Variants in FOXP1 observed in about 807,000 individuals in gnomAD.
The protein encoded by FOXP1 is forkhead box protein P1.
Under a neutral mutation model 98.2 loss-of-function variants are expected in FOXP1, and 15 were observed. That is an observed-to-expected ratio of 0.15 (90% CI 0.10 to 0.24). The LOEUF (loss-of-function observed/expected upper bound fraction) is 0.24, where lower values mean the gene tolerates loss of function less well. Ranked by LOEUF, FOXP1 falls within the 10% of genes least tolerant of loss-of-function variation. The pLI is 1.00. For missense variants in FOXP1, 633 were observed against 848.5 expected, an observed-to-expected ratio of 0.75 and a Z score of 3.15; for synonymous variants, 371 against 314.5, an observed-to-expected ratio of 1.18 and a Z score of -1.90.
intron 3 of FOXP1, among the ~76,000 whole-genome samples, chr3:71,406,126 C>T (rs1444743752): frequency 6.6e-6 from 1 of 152,072 alleles, no homozygotes; most frequent in African/African-American, 2.4e-5. Flanking sequence ...CGTGGTCCTT[C>T]CCCGATGAAT....
At chr3:71,559,029 C>T (rs975001312) in intron 2 of FOXP1, among the ~76,000 whole-genome samples, 15 of 152,286 alleles carry the variant, frequency 9.8e-5, no homozygotes, top group African/African-American at 3.6e-4. Context: ...TGGTCTCAAT[C>T]TCCTGACCTT....
intron 3 of FOXP1, among the ~76,000 whole-genome samples, chr3:71,410,687 C>A (rs576710711): frequency 6.6e-6 from 1 of 152,098 alleles, no homozygotes; most frequent in Non-Finnish European, 1.5e-5. Context: ...ACTGATTTTA[C>A]GTTTCTGATC....
At chr3:70,978,403 G>T (rs2038058747) in intron 14 of FOXP1, among the ~76,000 whole-genome samples, 1 of 152,194 alleles carries the variant, frequency 6.6e-6, no homozygotes, top group Admixed American at 6.5e-5. Context: ...GAAGTCCTTA[G>T]CAATACCAGT....
At chr3:71,502,397 G>A (rs1371859932) in intron 2 of FOXP1, among the ~76,000 whole-genome samples, 3 of 152,150 alleles carry the variant, frequency 2.0e-5, no homozygotes, top group Admixed American at 1.3e-4. Context: ...TGATTGGCTA[G>A]GCTTATCAAG....
intron 6 of FOXP1, chr3:71,197,774 C>A: frequency 9.3e-7 from 1 of 1,074,150 alleles, no homozygotes; most frequent in Non-Finnish European, 1.4e-6. Flanking sequence ...TCTCCTTACT[C>A]ATCTACTCTT....
At chr3:71,064,777 C>A in intron 7 of FOXP1, 1 of 984,682 alleles carries the variant, frequency 1.0e-6, no homozygotes, top group South Asian at 4.7e-5. Context: ...GCCGCGGAGC[C>A]GGGGGAAGGA....
At chr3:71,331,370 C>A (rs1370078309) in intron 4 of FOXP1, among the ~76,000 whole-genome samples, 3 of 152,172 alleles carry the variant, frequency 2.0e-5, no homozygotes, top group East Asian at 1.9e-4. Context: ...TGAGCCTCCC[C>A]CCTCCCCACC....
At chr3:71,109,893 G>T (rs112793069) in intron 7 of FOXP1, among the ~76,000 whole-genome samples, 7 of 151,842 alleles carry the variant, frequency 4.6e-5, no homozygotes, top group African/African-American at 1.5e-4. Flanking sequence ...TATTTCCCCC[G>T]GCCAAATCTT....
At chr3:71,225,821 T>C (rs558526724) in intron 5 of FOXP1, among the ~76,000 whole-genome samples, 22 of 152,150 alleles carry the variant, frequency 1.4e-4, no homozygotes, top group African/African-American at 4.8e-4. Flanking sequence ...ATCACATCTA[T>C]GGAAAGGAGC....
At chr3:71,470,294 G>A (rs920908476) in intron 3 of FOXP1, among the ~76,000 whole-genome samples, 1 of 152,134 alleles carries the variant, frequency 6.6e-6, no homozygotes, top group African/African-American at 2.4e-5. Flanking sequence ...ACATAGAGTT[G>A]TTATACAGAT....
intron 6 of FOXP1, among the ~76,000 whole-genome samples, chr3:71,145,262 C>T (rs773671446): frequency 6.6e-5 from 10 of 151,920 alleles, no homozygotes; most frequent in Non-Finnish European, 1.5e-4. Flanking sequence ...CCAGGCTGGG[C>T]GTGGTGGCTC....
intron 5 of FOXP1, among the ~76,000 whole-genome samples, chr3:71,255,584 A>G (rs1200186524): frequency 6.6e-6 from 1 of 152,196 alleles, no homozygotes; most frequent in Non-Finnish European, 1.5e-5. Context: ...ACACTAAATT[A>G]TTGGAATTCA....
At chr3:71,299,659 A>G (rs2073678448) in intron 5 of FOXP1, among the ~76,000 whole-genome samples, 161 bp downstream of exon 5, 1 of 152,206 alleles carries the variant, frequency 6.6e-6, no homozygotes, top group African/African-American at 2.4e-5. Context: ...AAGGGCAACC[A>G]TTTTTCTTAG....
chr3:71,348,940 C>T (rs964057325), intron 4 of FOXP1, among the ~76,000 whole-genome samples: 5 of 152,236 alleles, frequency 3.3e-5, no homozygotes, highest in African/African-American at 1.2e-4. Flanking sequence ...CTACAGAGGC[C>T]GCAGTCTATT....
At chr3:71,044,054 G>A (rs889843590) in intron 10 of FOXP1, among the ~76,000 whole-genome samples, 9 of 152,124 alleles carry the variant, frequency 5.9e-5, no homozygotes, top group African/African-American at 1.9e-4. Context: ...CAGTCAAATC[G>A]CTTTCCTCCA....
intron 5 of FOXP1, among the ~76,000 whole-genome samples, chr3:71,250,950 A>AG (rs2068139455): frequency 6.6e-6 from 1 of 152,204 alleles, no homozygotes. Flanking sequence ...AAAGAAAGAA[A>AG]AAAAAATGTT....
intron 3 of FOXP1, among the ~76,000 whole-genome samples, chr3:71,471,160 T>C (rs1235485724): frequency 6.6e-6 from 1 of 152,172 alleles, no homozygotes; most frequent in African/African-American, 2.4e-5. Flanking sequence ...GTTACAAAAA[T>C]TGACATGGTC....
At chr3:71,134,588 G>A (rs189658466) in intron 6 of FOXP1, among the ~76,000 whole-genome samples, 21 of 152,214 alleles carry the variant, frequency 1.4e-4, no homozygotes, top group South Asian at 4.1e-4. Flanking sequence ...AAAATACAGC[G>A]AAACAATGGA....
chr3:71,016,656 AACAC>A (rs4056100), intron 11 of FOXP1, among the ~76,000 whole-genome samples: 18,963 of 146,140 alleles, frequency 0.13, 2,024 homozygotes, highest in African/African-American at 0.3. Flanking sequence ...TGATTACAAG[AACAC>A]ACACACACAC....
Sources: gnomAD v4.1 joint callset for allele counts (sites outside exome capture counted in the v4.1 genomes callset) on GRCh38, gnomAD v4.1.1 for gene constraint, MANE v1.5 for transcripts, NCBI Gene and HGNC (gene_info 2026-07-23, HGNC 2026-07-21) for gene names.